The following AOPEP variants were observed in gnomAD, a reference collection of about 807,000 sequenced individuals.
The protein encoded by AOPEP is aminopeptidase O (putative).
Under a neutral mutation model 98.1 loss-of-function variants are expected in AOPEP, and 77 were observed. That is an observed-to-expected ratio of 0.78 (90% CI 0.65 to 0.95). The LOEUF is 0.95. Among genes scored for constraint, AOPEP ranks in the 40% least tolerant of loss-of-function variants. AOPEP has a pLI of 0.00. For missense variants in AOPEP, 1,024 were observed against 1,024.7 expected (o/e 1.00, Z 0.01); for synonymous variants, 346 against 365.3 (o/e 0.95, Z 0.60).
intron 11 of AOPEP, among the ~76,000 whole-genome samples, chr9:94,989,822 G>T (rs2060778238): frequency 1.3e-5 from 2 of 151,192 alleles, no homozygotes; most frequent in African/African-American, 4.9e-5. Context: ...TATTGGCCAG[G>T]CTGGTCTCAA....
intron 5 of AOPEP, among the ~76,000 whole-genome samples, chr9:94,834,394 T>A (rs2041288089): frequency 6.6e-6 from 1 of 152,230 alleles, no homozygotes; most frequent in South Asian, 2.1e-4. Flanking sequence ...CAAACATTTA[T>A]GAGCTTATCA....
intron 5 of AOPEP, among the ~76,000 whole-genome samples, chr9:94,868,827 C>T (rs557633506): frequency 4.6e-5 from 7 of 152,246 alleles, no homozygotes; most frequent in Admixed American, 6.5e-5. Context: ...TATTATTTTA[C>T]TTCATGTGTA....
intron 5 of AOPEP, among the ~76,000 whole-genome samples, chr9:94,897,942 C>T (rs1174376418): frequency 6.0e-5 from 9 of 151,134 alleles, no homozygotes; most frequent in Admixed American, 5.9e-4. Flanking sequence ...CAGGTTCAAG[C>T]GATTCTCCTG....
At chr9:95,116,203 AGCGTCCCCTGTTG>A in the AOPEP span, among the ~76,000 whole-genome samples, 1 of 152,234 alleles carries the variant, frequency 6.6e-6, no homozygotes, top group Non-Finnish European at 1.5e-5. Context: ...GAGCTCACTC[AGCGTCCCCTGTTG>A]GCTGACTTTA....
At chr9:94,734,114 T>C (rs1328494737) in intron 1 of AOPEP, among the ~76,000 whole-genome samples, 3 of 152,110 alleles carry the variant, frequency 2.0e-5, no homozygotes, top group Non-Finnish European at 2.9e-5. Flanking sequence ...GAGTTTATAC[T>C]TGAGCTTATT....
intron 1 of AOPEP, among the ~76,000 whole-genome samples, chr9:94,742,647 A>T (rs1833417656): frequency 1.3e-5 from 2 of 151,802 alleles, no homozygotes; most frequent in Admixed American, 1.3e-4. Context: ...GTTGGCCAGG[A>T]TGGTCTTGAT....
chr9:95,139,637 G>A, the AOPEP span, among the ~76,000 whole-genome samples: 5 of 151,694 alleles, frequency 3.3e-5, no homozygotes, highest in Non-Finnish European at 7.4e-5. Flanking sequence ...AGCAGGCTCT[G>A]GAGTGATGTG....
At chr9:94,923,462 C>T (rs908341065) in intron 5 of AOPEP, among the ~76,000 whole-genome samples, 1 of 152,206 alleles carries the variant, frequency 6.6e-6, no homozygotes. Flanking sequence ...ATCCCCGGCA[C>T]CTGCTCGTTT....
At chr9:95,145,466 T>C in the AOPEP span, 2 of 152,160 alleles carry the variant, frequency 1.3e-5, no homozygotes, top group Non-Finnish European at 2.9e-5. Context: ...CTCTCGATAA[T>C]CTATATACTT....
intron 13 of AOPEP, among the ~76,000 whole-genome samples, chr9:95,021,078 CA>C (rs2063417908): frequency 6.6e-6 from 1 of 152,028 alleles, no homozygotes; most frequent in South Asian, 2.1e-4. Context: ...AGCTGATTTT[CA>C]TGTTTATATA....
Position 94,730,240 on chromosome 9 carries a change from C to T in AOPEP, c.-136+3489C>T, listed in dbSNP as rs1040234463. Among the ~76,000 whole-genome samples the T allele has an allele frequency of 3.3e-5, 5 of 149,588 alleles. No homozygotes were observed. In the East Asian group the frequency reaches 5.9e-4, roughly 18 times the overall value. ...CGGAGCTTGTAGTGAGCCGAGTTTG[C>T]GCCACTGCACTCCAGCCTGGGCGAC... On this transcript the variant is annotated intron_variant, in intron 1 of 16. Transcript: ENST00000375315.
intron 5 of AOPEP, chr9:94,921,134 C>G (rs2053561839): frequency 6.6e-6 from 1 of 151,470 alleles, no homozygotes; most frequent in African/African-American, 2.4e-5. Flanking sequence ...AAGTGATTAT[C>G]TTCCATTCTC....
At chr9:94,967,042 CG>C (rs1429606818) in intron 9 of AOPEP, among the ~76,000 whole-genome samples, 1 of 151,984 alleles carries the variant, frequency 6.6e-6, no homozygotes, top group African/African-American at 2.4e-5. Flanking sequence ...GTGGATAGGG[CG>C]GGATGGGCTG....
intron 13 of AOPEP, among the ~76,000 whole-genome samples, chr9:95,024,154 C>G (rs905031988): frequency 1.3e-5 from 2 of 152,162 alleles, no homozygotes; most frequent in South Asian, 2.1e-4. Flanking sequence ...GATCAGCCAG[C>G]CGGCTCTATC....
intron 5 of AOPEP, among the ~76,000 whole-genome samples, chr9:94,822,732 A>G (rs903018533): frequency 2.6e-5 from 4 of 152,190 alleles, no homozygotes; most frequent in Non-Finnish European, 5.9e-5. Context: ...TGATGATAGG[A>G]ACTGTTTATC....
the AOPEP span, among the ~76,000 whole-genome samples, chr9:95,115,563 G>T: frequency 6.6e-6 from 1 of 152,232 alleles, no homozygotes; most frequent in South Asian, 2.1e-4. Flanking sequence ...TGAGTGAGCT[G>T]CTCTGGTTTC....
rs774828310 is a variant in AOPEP at position 94,759,924 on chromosome 9, C to T, written c.141C>T (p.Leu47=). 2.2e-5 allele frequency: 36 copies of T among 1,613,904 alleles called. No individual in the cohort carries two copies. Among genetic ancestry groups the T allele is most frequent in the Middle Eastern group, 1.6e-4 (1 of 6,084 alleles). ...TTGAGGGGACCATAGTGCTTTTCCT[C>T]GAGGATGGAAACAGATTCAAGAAAC... The part of the protein sequence containing the change: ...QVIEGTIVLF[L]EDGNRFKKQN... The change falls in exon 2 of 17, where the codon CTC becomes CTT. Residue 47 remains leucine, a synonymous_variant. Coordinates refer to ENST00000375315, the MANE Select transcript of AOPEP (RefSeq NM_001193329.3).
intron 13 of AOPEP, among the ~76,000 whole-genome samples, chr9:95,017,916 T>G (rs117600490): frequency 0.015 from 2,297 of 152,378 alleles, 32 homozygotes; most frequent in Middle Eastern, 0.082. Context: ...TGGATCTGCT[T>G]CTTTCATTGT....
chr9:94,972,938 C>G lies in AOPEP; in HGVS notation c.1916+5137C>G, dbSNP rs76299796. 2.1e-5 allele frequency among the ~76,000 whole-genome samples: 3 copies of G among 142,822 alleles called. No homozygotes were observed. The highest frequency in any genetic ancestry group is 7.8e-5 in the African/African-American group (3 of 38,624). The allele number at this position is 142,822 out of a possible 152,430, so 93.7% of individuals were successfully genotyped here. A position where few individuals can be genotyped will look rare whatever the true frequency, so the allele number is the denominator to read the frequency against. On this transcript the variant is annotated intron_variant, in intron 10 of 16. Coordinates refer to ENST00000375315, the MANE Select transcript of AOPEP (RefSeq NM_001193329.3). This position sits in a 1 kb window ranked among gnomAD's most constrained non-coding sequence, Gnocchi z 4.2. Reference sequence around the variant, plus strand: ...TGGGAGACAGAGTGAGACCCTGTCTCAAAAAAAAAAGGAAGAAAATAAGTA... The same window carrying G: ...TGGGAGACAGAGTGAGACCCTGTCTGAAAAAAAAAAGGAAGAAAATAAGTA...
Sources: gnomAD v4.1 joint callset for allele counts (sites outside exome capture counted in the v4.1 genomes callset) on GRCh38, gnomAD v4.1.1 for gene constraint, Gnocchi (gnomAD v3.1) non-coding constraint, MANE v1.5 for transcripts, NCBI Gene and HGNC (gene_info 2026-07-23, HGNC 2026-07-21) for gene names.